LRRTM3: variants seen among roughly 807,000 people sequenced by gnomAD.
LRRTM3 encodes the protein leucine-rich repeat transmembrane neuronal protein 3.
In LRRTM3, 24 loss-of-function variants were observed where a neutral mutation model predicts 44.7. The observed-to-expected ratio is 0.54, with a 90% CI of 0.39 to 0.76. LRRTM3 has a LOEUF of 0.76. Ranked by LOEUF, LRRTM3 falls within the 30% of genes least tolerant of loss-of-function variation. The pLI, the probability that LRRTM3 is intolerant of heterozygous loss-of-function variation, is 0.00. For missense variants in LRRTM3, 587 were observed against 702.2 expected (o/e 0.84, Z 1.85); for synonymous variants, 277 against 278.7 (o/e 0.99, Z 0.06).
chr10:67,014,033 G>A (rs1852502618), intron 2 of LRRTM3, among the ~76,000 whole-genome samples: 2 of 151,900 alleles, frequency 1.3e-5, no homozygotes, highest in Admixed American at 6.5e-5. Flanking sequence ...GAAGGACAGA[G>A]ACAAAAGGGG....
At chr10:66,934,784 T>C (rs1191550625) in intron 2 of LRRTM3, among the ~76,000 whole-genome samples, 1 of 152,158 alleles carries the variant, frequency 6.6e-6, no homozygotes, top group Non-Finnish European at 1.5e-5. Flanking sequence ...TATAAAATAG[T>C]AAGGCAAATA....
At chr10:67,011,181 A>G (rs189936280) in intron 2 of LRRTM3, among the ~76,000 whole-genome samples, 2 of 152,110 alleles carry the variant, frequency 1.3e-5, no homozygotes, top group African/African-American at 4.8e-5. Context: ...TACAAAAAAT[A>G]AATAAATAAA....
intron 2 of LRRTM3, among the ~76,000 whole-genome samples, chr10:66,969,280 A>T (rs1385157907): frequency 1.3e-5 from 2 of 152,138 alleles, no homozygotes; most frequent in African/African-American, 2.4e-5. Flanking sequence ...TATCAATTTT[A>T]TGTCTTATTT....
rs540496592 is a variant in LRRTM3, at chr10:67,037,330, T to G, written c.1537-60257T>G. 3.3e-5 allele frequency among the ~76,000 whole-genome samples: 5 copies of G among 151,430 alleles called. No individual in the cohort carries two copies. In the South Asian group the frequency reaches 1.0e-3, roughly 32 times the overall value. ...TACTCAGCAAAATCATATTCAGCAG[T>G]TACTATGTGGCAACACTATGTGGCA... On this transcript the variant is annotated intron_variant, in intron 2 of 2. Coordinates refer to ENST00000361320, the MANE Select transcript of LRRTM3 (RefSeq NM_178011.5).
chr10:67,021,058 C>A (rs1421416374), intron 2 of LRRTM3, among the ~76,000 whole-genome samples: 1 of 152,142 alleles, frequency 6.6e-6, no homozygotes, highest in Non-Finnish European at 1.5e-5. Flanking sequence ...CTCTTTGTTT[C>A]ATTTTTGCAG....
At chr10:67,094,027 C>T (rs1857818590) in intron 2 of LRRTM3, among the ~76,000 whole-genome samples, 1 of 151,846 alleles carries the variant, frequency 6.6e-6, no homozygotes, top group African/African-American at 2.4e-5. Context: ...TGACTTCCTA[C>T]TCGAATTAAC....
chr10:67,094,406 A>G (rs1589729840), intron 2 of LRRTM3, among the ~76,000 whole-genome samples: 1 of 151,908 alleles, frequency 6.6e-6, no homozygotes, highest in East Asian at 1.9e-4. Context: ...CATATTTTAA[A>G]ATACATGATA....
chr10:67,060,379 G>A (rs1323269876), intron 2 of LRRTM3, among the ~76,000 whole-genome samples: 1 of 152,164 alleles, frequency 6.6e-6, no homozygotes, highest in Non-Finnish European at 1.5e-5. Flanking sequence ...CTAAACAGAA[G>A]ACAAGCGTAT....
intron 2 of LRRTM3, among the ~76,000 whole-genome samples, chr10:67,032,747 T>C (rs1236389356): frequency 6.6e-6 from 1 of 152,066 alleles, no homozygotes; most frequent in African/African-American, 2.4e-5. Flanking sequence ...TAATAAAATG[T>C]CTTTGATGTC....
intron 2 of LRRTM3, among the ~76,000 whole-genome samples, chr10:66,966,540 G>C (rs1849422628): frequency 6.6e-6 from 1 of 151,826 alleles, no homozygotes; most frequent in African/African-American, 2.4e-5. Flanking sequence ...CTAAAAATGA[G>C]CTATCAGATT....
At position 66,994,597 on chromosome 10, in the gene LRRTM3, T is replaced by C. The variant is rs78350339; in HGVS notation, c.1536+66145T>C. On this transcript the variant is annotated intron_variant, in intron 2 of 2. Coordinates refer to ENST00000361320, the MANE Select transcript of LRRTM3 (RefSeq NM_178011.5). ...TACCAAGGATACCTAAAGTTCATTA[T>C]TTCAATTCTTTACTCTCAACAAGGG... is the stretch of plus-strand genomic sequence containing the variant. 3.4e-3 allele frequency among the ~76,000 whole-genome samples: 513 copies of C among 152,316 alleles called. 3 individuals are homozygous for C. The highest frequency in any genetic ancestry group is 0.011 in the African/African-American group (474 of 41,580).
At chr10:67,031,111 GTT>G (rs747286902) in intron 2 of LRRTM3, among the ~76,000 whole-genome samples, 36 of 152,198 alleles carry the variant, frequency 2.4e-4, no homozygotes, top group Admixed American at 9.8e-4. Context: ...TTTGTAAAGA[GTT>G]TAAACTAGAT....
At chr10:67,070,361 T>G (rs1436488752) in intron 2 of LRRTM3, among the ~76,000 whole-genome samples, 1 of 152,218 alleles carries the variant, frequency 6.6e-6, no homozygotes, top group African/African-American at 2.4e-5. Context: ...CTTTTCATTC[T>G]CTTAATGGTA....
intron 2 of LRRTM3, among the ~76,000 whole-genome samples, chr10:67,004,931 T>G (rs891857572): frequency 2.6e-5 from 4 of 152,138 alleles, no homozygotes; most frequent in African/African-American, 9.7e-5. Flanking sequence ...GATTTTGTTG[T>G]TAGGCTGTAT....
rs1271294935 is a variant in LRRTM3 at position 67,100,538 on chromosome 10, C to T, written c.*2742C>T. ...TGCATTTCTAACCTATCTTTTCCAG[C>T]ATTTGATAATCTCCCATTTCCTCCT... On this transcript the variant is annotated 3_prime_UTR_variant, in exon 3 of 3. Transcript: ENST00000361320. Among the ~76,000 whole-genome samples, 2 of 151,686 alleles carry T rather than the reference C, an allele frequency of 1.3e-5. No individual in the cohort carries two copies. The highest frequency in any genetic ancestry group is 3.9e-4 in the East Asian group (2 of 5,162).
At chr10:66,936,319 T>TA (rs769018840) in intron 2 of LRRTM3, among the ~76,000 whole-genome samples, 2,787 of 150,016 alleles carry the variant, frequency 0.019, 55 homozygotes, top group African/African-American at 0.045. Context: ...TTCTTAATGT[T>TA]AAAAAAAAAA....
intron 2 of LRRTM3, among the ~76,000 whole-genome samples, chr10:67,065,598 A>G (rs1035527517): frequency 6.6e-6 from 1 of 152,128 alleles, no homozygotes; most frequent in Admixed American, 6.6e-5. Flanking sequence ...GCATTCTAAC[A>G]TGAAGGAAGT....
At chr10:66,994,952 A>AT (rs1851247469) in intron 2 of LRRTM3, among the ~76,000 whole-genome samples, 1 of 152,184 alleles carries the variant, frequency 6.6e-6, no homozygotes, top group South Asian at 2.1e-4. Context: ...CACTGCCAAG[A>AT]TGGAACTCTC....
intron 2 of LRRTM3, among the ~76,000 whole-genome samples, chr10:67,088,986 A>C (rs931977818): frequency 6.6e-6 from 1 of 152,066 alleles, no homozygotes; most frequent in Non-Finnish European, 1.5e-5. Flanking sequence ...ATGACTACTT[A>C]GATAGAATAT....
Sources: gnomAD v4.1 joint callset for allele counts (sites outside exome capture counted in the v4.1 genomes callset) on GRCh38, gnomAD v4.1.1 for gene constraint, MANE v1.5 for transcripts, NCBI Gene and HGNC (gene_info 2026-07-23, HGNC 2026-07-21) for gene names.